The following TNRC18 variants were observed in gnomAD, a reference collection of about 807,000 sequenced individuals.
TNRC18 encodes the protein trinucleotide repeat containing 18, also known as trinucleotide repeat-containing gene 18 protein.
TNRC18 carries 69 observed loss-of-function variants against 226.7 expected under a neutral mutation model. The observed-to-expected ratio is 0.30, with a 90% CI of 0.25 to 0.37. The LOEUF is 0.37. TNRC18 is among the 10% of genes least tolerant of loss of function. TNRC18 has a pLI of 1.00. For missense variants in TNRC18, 4,754 were observed against 4,256.6 expected (o/e 1.12, Z -3.25); for synonymous variants, 2,449 against 1,927.6 (o/e 1.27, Z -7.09).
chr7:5,417,613 C>T (rs114634665), intron 2 of TNRC18, among the ~76,000 whole-genome samples: 3 of 152,190 alleles, frequency 2.0e-5, no homozygotes, highest in Non-Finnish European at 2.9e-5. Flanking sequence ...GGGACCCGAG[C>T]GGTGCCTGGC....
intron 2 of TNRC18, among the ~76,000 whole-genome samples, chr7:5,406,621 C>A (rs950745521): frequency 6.6e-6 from 1 of 151,998 alleles, no homozygotes; most frequent in African/African-American, 2.4e-5. Context: ...AAGGCAGAAG[C>A]GGGCGGATCA....
At position 5,324,284 on chromosome 7, in the gene TNRC18, G is replaced by C. The variant is rs762423731; in HGVS notation, c.6372C>G (p.Asn2124Lys). Residue 2124 changes from asparagine to lysine, a missense_variant, in exon 21 of 30, where the codon AAC (asparagine) becomes AAG (lysine). Asn to Lys is a moderately conservative substitution (Grantham distance 94). Transcript: ENST00000430969. The surrounding 1 kb of genome is among the most constrained non-coding windows in gnomAD (Gnocchi z 4.8). Reference sequence around the variant, plus strand: ...CGTCCTCAGAGAAGCTCGAGTCTTGGTTGGGTTCAAAGTCCTCCTCGGCTG... The same window carrying C: ...CGTCCTCAGAGAAGCTCGAGTCTTGCTTGGGTTCAAAGTCCTCCTCGGCTG... Reference protein sequence around the residue: ...SMAAEEDFEPNQDSSFSEDEH... With the variant: ...SMAAEEDFEPKQDSSFSEDEH... 1 of 1,613,366 alleles carries C rather than the reference G, an allele frequency of 6.2e-7. No homozygotes were observed. The highest frequency in any genetic ancestry group is 8.5e-7 in the Non-Finnish European group (1 of 1,179,720).
chr7:5,376,169 C>T lies in TNRC18; in HGVS notation c.2664G>A (p.Pro888=), dbSNP rs779520175. The T allele has an allele frequency of 2.1e-5, 33 of 1,573,414 alleles. No homozygotes were observed. The highest frequency in any genetic ancestry group is 2.6e-5 in the Non-Finnish European group (30 of 1,160,570). Residue 888 remains proline, a synonymous_variant, in exon 9 of 30, where the codon CCG becomes CCA. Coordinates refer to ENST00000430969, the MANE Select transcript of TNRC18 (RefSeq NM_001080495.3). ...VPPLWPALYP[P]GRSPLHHAQQ... Reference sequence around the variant, plus strand: ...GGGCGTGGTGCAGGGGGCTGCGGCCCGGCGGGTACAGGGCGGGCCAGAGGG... The same window carrying T: ...GGGCGTGGTGCAGGGGGCTGCGGCCTGGCGGGTACAGGGCGGGCCAGAGGG...
intron 16 of TNRC18, among the ~76,000 whole-genome samples, chr7:5,354,494 A>G (rs1485653655): frequency 1.3e-5 from 2 of 151,760 alleles, no homozygotes; most frequent in Non-Finnish European, 2.9e-5. Flanking sequence ...AGATTGAGAG[A>G]GCAAAAGAAA....
intron 2 of TNRC18, chr7:5,407,339 G>C (rs10951944): frequency 0.51 from 78,308 of 152,372 alleles, 22,084 homozygotes; most frequent in East Asian, 0.83. Flanking sequence ...CTTCAGCCCT[G>C]CCCCACCTGG....
intron 19 of TNRC18, among the ~76,000 whole-genome samples, chr7:5,327,389 G>A (rs796923003): frequency 1.4e-5 from 2 of 144,734 alleles, no homozygotes; most frequent in Admixed American, 6.8e-5. Context: ...GTGTGTGTGT[G>A]TGTGTGTGTG....
chr7:5,336,207 A>T (rs919072604), intron 18 of TNRC18, among the ~76,000 whole-genome samples: 27 of 138,792 alleles, frequency 1.9e-4, no homozygotes, highest in Admixed American at 5.1e-4. Flanking sequence ...ACTCTGTTTT[A>T]AAAAAAAAAA....
chr7:5,345,966 T>A (rs1016292663), intron 17 of TNRC18, among the ~76,000 whole-genome samples, 156 bp from the exon 18 acceptor site: 2 of 151,982 alleles, frequency 1.3e-5, no homozygotes, highest in African/African-American at 2.4e-5. Flanking sequence ...AGCCCACGGG[T>A]TCCCCCCATC....
intron 11 of TNRC18, among the ~76,000 whole-genome samples, chr7:5,369,161 A>G (rs944823265): frequency 2.0e-5 from 3 of 152,150 alleles, no homozygotes; most frequent in Non-Finnish European, 4.4e-5. Context: ...CAGCCTGGCC[A>G]ACATGGCAAA....
chr7:5,387,970 G>T lies in TNRC18; in HGVS notation c.1854C>A (p.Thr618=). 1 of 1,596,592 alleles carries T rather than the reference G, an allele frequency of 6.3e-7. No homozygotes were observed. Among genetic ancestry groups the T allele is most frequent in the Admixed American group, 1.7e-5 (1 of 57,524 alleles). The change falls in exon 5 of 30, where the codon ACC becomes ACA. Residue 618 remains threonine, a synonymous_variant. Transcript: ENST00000430969. ...GKKSPFGGLG[T]MKPEPAPTSA... ...AGGTGGGCGCAGGCTCGGGTTTCAT[G>T]GTGCCCAAACCTCCAAAGGGGCTCT...
chr7:5,314,856 A>T, intron 26 of TNRC18, 128 bp downstream of exon 26: 1 of 1,031,760 alleles, frequency 9.7e-7, no homozygotes, highest in Non-Finnish European at 1.4e-6. Flanking sequence ...TACAGGTGTG[A>T]GGCACTGCAC....
chr7:5,416,130 A>G (rs1043473710), intron 2 of TNRC18, among the ~76,000 whole-genome samples: 41 of 122,004 alleles, frequency 3.4e-4, no homozygotes, highest in Non-Finnish European at 6.4e-4. Flanking sequence ...AAAAAAAAAA[A>G]TCAGCCAAGC....
At chr7:5,414,287 C>G (rs190658252) in intron 2 of TNRC18, among the ~76,000 whole-genome samples, 318 of 151,070 alleles carry the variant, frequency 2.1e-3, no homozygotes, top group Non-Finnish European at 4.1e-3. Context: ...ACCATCGTCT[C>G]CCATAAATAT....
rs189212685 is a variant in TNRC18 at position 5,401,914 on chromosome 7, A to G, written c.188-7319T>C. On this transcript the variant is annotated intron_variant, in intron 2 of 29. Coordinates refer to ENST00000430969, the MANE Select transcript of TNRC18 (RefSeq NM_001080495.3). ...TGGTTGGCCGGGCGTGGTGGCTCAC[A>G]CCTGTAATCCCAGCACTTTGGGAGG... is the stretch of plus-strand genomic sequence containing the variant. Among the ~76,000 whole-genome samples, 235 of 152,018 alleles carry G rather than the reference A, an allele frequency of 1.5e-3. 1 individual carries two copies. Among genetic ancestry groups the G allele is most frequent in the African/African-American group, 4.7e-3 (196 of 41,490 alleles).
intron 18 of TNRC18, 35 bp downstream of exon 18, chr7:5,345,526 AC>A: frequency 1.6e-4 from 28 of 177,446 alleles, no homozygotes; most frequent in East Asian, 1.0e-3. Flanking sequence ...CGCCCCTCCC[AC>A]CCACCCCCAC....
Position 5,388,825 on chromosome 7 carries a change from T to C in TNRC18, c.999A>G (p.Ser333=). Residue 333 remains serine, a synonymous_variant, in exon 5 of 30, where the codon TCA becomes TCG. Transcript: ENST00000430969. ...TLLPGPRPCP[S]PLPPPPAPPK... The stretch of plus-strand genomic sequence containing the variant: ...GGGGCGCGGGCGGCGGGGGCAGCGG[T>C]GAGGGGCAGGGGCGCGGCCCAGGGA... 8.4e-7 allele frequency: 1 copy of C among 1,190,424 alleles called. No individual in the cohort carries two copies. Among genetic ancestry groups the C allele is most frequent in the Non-Finnish European group, 1.0e-6 (1 of 960,828 alleles). 73.7% of individuals were successfully genotyped at this position (1,190,424 alleles called of 1,614,324 possible). A position where few individuals can be genotyped will look rare whatever the true frequency, so the allele number is the denominator to read the frequency against.
In TNRC18 at chr7:5,361,667, G is replaced by T. The variant is rs776197746; in HGVS notation, c.4588C>A (p.Arg1530=). 4.5e-6 allele frequency: 7 copies of T among 1,562,778 alleles called. No individual in the cohort carries two copies. The highest frequency in any genetic ancestry group is 6.1e-6 in the Non-Finnish European group (7 of 1,154,786). ...SLARRGPGRP[R]KRTHAPSALS... is the part of the protein sequence containing the mutation. ...GCGCTCGGGGCGTGGGTCCGTTTCCGCGGCCTGCCAGGGCCTCTGCGTGCC... is the reference window on the plus strand; with the variant it reads ...GCGCTCGGGGCGTGGGTCCGTTTCCTCGGCCTGCCAGGGCCTCTGCGTGCC... The change falls in exon 14 of 30, where the codon CGG becomes AGG. Residue 1530 remains arginine (R), a synonymous_variant. Coordinates refer to ENST00000430969, the MANE Select transcript of TNRC18 (RefSeq NM_001080495.3).
rs1279583174 is a variant in TNRC18 at position 5,396,170 on chromosome 7, C to CA, written c.188-1576dup. Among the ~76,000 whole-genome samples, 462 of 52,326 alleles carry CA rather than the reference C, an allele frequency of 8.8e-3. 5 individuals carry two copies. Among genetic ancestry groups the CA allele is most frequent in the South Asian group, 0.043 (64 of 1,490 alleles). 34.3% of individuals were successfully genotyped at this position (52,326 alleles called of 152,430 possible). On this transcript the variant is annotated intron_variant, in intron 2 of 29. Transcript: ENST00000430969. ...TGGGCGACAGAGAGAGACTCTGTCT[C>CA]AAAAAAAAAAAAAAAAAAATGCAAA...
rs560437009 is a variant in TNRC18, at chr7:5,324,071, A to T, written c.6442+143T>A. ...GTCCAGCCTTCTCATCGACCCGGAT[A>T]ACTCAGCCTCAGGATCTCTGCTCCT... On this transcript the variant is annotated intron_variant, in intron 21 of 29. Coordinates refer to ENST00000430969, the MANE Select transcript of TNRC18 (RefSeq NM_001080495.3). The surrounding 1 kb of genome is among the most constrained non-coding windows in gnomAD (Gnocchi z 4.8). 1 of 929,646 alleles carries T rather than the reference A, an allele frequency of 1.1e-6. No individual in the cohort carries two copies. Among genetic ancestry groups the T allele is most frequent in the African/African-American group, 1.7e-5 (1 of 60,174 alleles). The allele number at this position is 929,646 out of a possible 1,614,324, so 57.6% of individuals were successfully genotyped here.
Sources: gnomAD v4.1 joint callset for allele counts (sites outside exome capture counted in the v4.1 genomes callset) on GRCh38, gnomAD v4.1.1 for gene constraint, Gnocchi (gnomAD v3.1) non-coding constraint, MANE v1.5 for transcripts, NCBI Gene and HGNC (gene_info 2026-07-23, HGNC 2026-07-21) for gene names.